ADAR: variants seen among roughly 807,000 people sequenced by gnomAD.
ADAR encodes the protein adenosine deaminase RNA specific, also known as double-stranded RNA-specific adenosine deaminase.
In ADAR, 41 loss-of-function variants were observed where a neutral mutation model predicts 113.2. The observed-to-expected ratio is 0.36, with a 90% CI of 0.28 to 0.47. The LOEUF (loss-of-function observed/expected upper bound fraction) is 0.47. Ranked by LOEUF, ADAR falls within the 20% of genes least tolerant of loss-of-function variation. The pLI is 1.00. For missense variants in ADAR, 1,242 were observed against 1,540.9 expected (o/e 0.81, Z 3.25); for synonymous variants, 605 against 572.6 (o/e 1.06, Z -0.81).
At chr1:154,608,339 T>G (rs1486943684), upstream of ADAR, 1 of 376,582 alleles carries the variant, frequency 2.7e-6, no homozygotes, top group Non-Finnish European at 4.8e-6. Flanking sequence ...CTTTTTTTTT[T>G]TTTTTTGAGG....
chr1:154,608,116 G>T lies in ADAR; in HGVS notation c.-110C>A. On this transcript the variant is annotated 5_prime_UTR_variant, in exon 1 of 15. Coordinates refer to ENST00000368474, the MANE Select transcript of ADAR (RefSeq NM_001111.5). ...CCCACGCCTCCGCTACTCCGCACTG[G>T]AAGTGGCCCCGGGGCGTCGGCACGG... 6 of 1,375,112 alleles carry T rather than the reference G, an allele frequency of 4.4e-6. No individual in the cohort carries two copies. The highest frequency in any genetic ancestry group is 5.7e-6 in the Non-Finnish European group (6 of 1,048,078). The allele number at this position is 1,375,112 out of a possible 1,614,324, so 85.2% of individuals were successfully genotyped here.
chr1:154,626,961 G>A (rs1315422628), intron 1 of ADAR, among the ~76,000 whole-genome samples: 1 of 152,184 alleles, frequency 6.6e-6, no homozygotes, highest in Non-Finnish European at 1.5e-5. Context: ...TGACGCCCCT[G>A]CCTTCTCTGC....
intron 4 of ADAR, 60 bp downstream of exon 4, chr1:154,597,768 A>T: frequency 5.0e-6 from 8 of 1,609,100 alleles, no homozygotes; most frequent in Non-Finnish European, 6.8e-6. Flanking sequence ...CAAGGAAGAA[A>T]ATGTGTCTCT....
chr1:154,618,174 TACCATATTCTTAATAGCAA>T (rs1698687130), intron 1 of ADAR, among the ~76,000 whole-genome samples: 1 of 150,928 alleles, frequency 6.6e-6, no homozygotes, highest in African/African-American at 2.4e-5. Context: ...CTATTAAGAA[TACCATATTCTTAATAGCAA>T]ATAAAACATT....
Position 154,602,333 on chromosome 1 carries a change from C to T in ADAR, c.309G>A (p.Gly103=), listed in dbSNP as rs141224623. 2.9e-5 allele frequency: 46 copies of T among 1,611,102 alleles called. No homozygotes were observed. The African/African-American group carries it at 5.9e-4, about 21-fold the overall frequency. Residue 103 remains glycine, a synonymous_variant, in exon 2 of 15, where the codon GGG becomes GGA. Coordinates refer to ENST00000368474, the MANE Select transcript of ADAR (RefSeq NM_001111.5). ...AAGGATGCTGGAACCCTCTCTGGAG[C>T]CCCTGACTTCTGAGATGCACGCCCC... ...VPRGVHLRSQ[G]LQRGFQHPSP...
Position 154,602,072 on chromosome 1 carries a change from T to C in ADAR, c.570A>G (p.Gly190=). Reference sequence around the variant, plus strand: ...CCGCGATTTTCCACAAAGGGGGTGTTCCTGCCTCTTTCTGTAGCTTGCCCT... The same window carrying C: ...CCGCGATTTTCCACAAAGGGGGTGTCCCTGCCTCTTTCTGTAGCTTGCCCT... ...AKKGKLQKEA[G]TPPLWKIAVS... The change falls in exon 2 of 15, where the codon GGA becomes GGG. Residue 190 remains glycine (G), a synonymous_variant. Transcript: ENST00000368474. 2 of 1,614,224 alleles carry C rather than the reference T, an allele frequency of 1.2e-6. No individual in the cohort carries two copies. The highest frequency in any genetic ancestry group is 1.7e-6 in the Non-Finnish European group (2 of 1,180,030).
chr1:154,603,541 C>T (rs1156518927), intron 1 of ADAR, among the ~76,000 whole-genome samples: 1 of 152,140 alleles, frequency 6.6e-6, no homozygotes, highest in Non-Finnish European at 1.5e-5. Context: ...TTCCACTGCA[C>T]GTTCTTCTGA....
Position 154,602,621 on chromosome 1 carries a change from A to C in ADAR, c.21T>G (p.Tyr7Ter). 6.2e-7 allele frequency: 1 copy of C among 1,613,966 alleles called. No homozygotes were observed. Among genetic ancestry groups the C allele is most frequent in the Non-Finnish European group, 8.5e-7 (1 of 1,180,032 alleles). The change falls in exon 2 of 15, where the codon TAT becomes TAG. Residue 7 changes from tyrosine to a stop codon, truncating the protein, a stop_gained. Coordinates refer to ENST00000368474, the MANE Select transcript of ADAR (RefSeq NM_001111.5). LOFTEE classifies it high-confidence loss of function. MNPRQGYSLSGYYTHPF... is the reference protein window; with the variant it reads MNPRQG ...GATGGGTGTAGTATCCGCTGAGGGA[A>C]TACCCCTGCAGAATAAGACAGTGGA...
chr1:154,587,331 T>G (rs776452715), intron 11 of ADAR, among the ~76,000 whole-genome samples: 6 of 152,238 alleles, frequency 3.9e-5, no homozygotes, highest in Non-Finnish European at 8.8e-5. Context: ...ACTTCACTTC[T>G]TTTTATGGCC....
chr1:154,610,582 GGGC>G (rs1698451279), upstream of ADAR, among the ~76,000 whole-genome samples: 1 of 152,048 alleles, frequency 6.6e-6, no homozygotes, highest in Admixed American at 6.6e-5. Context: ...AGGCCGAGGT[GGGC>G]GGATCACGAG....
chr1:154,593,075 C>CAGTG (rs1162667923), intron 6 of ADAR, among the ~76,000 whole-genome samples: 1 of 128,124 alleles, frequency 7.8e-6, no homozygotes, highest in Non-Finnish European at 1.6e-5. Context: ...GCGGAGGTTG[C>CAGTG]AGTGAGCTGA....
At chr1:154,593,416 CTA>C (rs1233010292) in intron 6 of ADAR, among the ~76,000 whole-genome samples, 2 of 152,202 alleles carry the variant, frequency 1.3e-5, no homozygotes, top group African/African-American at 4.8e-5. Context: ...ACTGCTATGG[CTA>C]TATGTCTGCT....
At chr1:154,610,388 A>G (rs984407801), upstream of ADAR, among the ~76,000 whole-genome samples, 1 of 152,230 alleles carries the variant, frequency 6.6e-6, no homozygotes, top group Non-Finnish European at 1.5e-5. Flanking sequence ...TGAAAGATCT[A>G]CGCATGCAAC....
At chr1:154,590,135 A>AGGCGGGGGGGGGGGGGG in intron 7 of ADAR, 49 bp downstream of exon 7, 2 of 1,205,024 alleles carry the variant, frequency 1.7e-6, no homozygotes, top group Non-Finnish European at 2.4e-6. Flanking sequence ...CTTAGGAGTT[A>AGGCGGGGGGGGGGGGGG]GGAGGACCCC....
chr1:154,598,945 C>A (rs1376649200), intron 2 of ADAR, among the ~76,000 whole-genome samples: 2 of 152,108 alleles, frequency 1.3e-5, no homozygotes, highest in Non-Finnish European at 2.9e-5. Context: ...AACCAAAAGA[C>A]CTTCATTCTA....
rs183916183 is a variant in ADAR at position 154,618,961 on chromosome 1, T to G, written c.-871+8894A>C. On this transcript the variant is annotated intron_variant, in intron 1 of 14. Transcript: ENST00000368471. Reference sequence around the variant, plus strand: ...CCCGTCTCTACTAAAAATACAAACATTAGCCGGGCGTGGTGGCAGGTACTT... The same window carrying G: ...CCCGTCTCTACTAAAAATACAAACAGTAGCCGGGCGTGGTGGCAGGTACTT... Among the ~76,000 whole-genome samples, 499 of 152,144 alleles carry G rather than the reference T, an allele frequency of 3.3e-3. 1 individual carries two copies. Among genetic ancestry groups the G allele is most frequent in the Middle Eastern group, 6.8e-3 (2 of 294 alleles).
chr1:154,592,747 G>A (rs1053307869), intron 6 of ADAR, among the ~76,000 whole-genome samples: 3 of 152,048 alleles, frequency 2.0e-5, no homozygotes, highest in Non-Finnish European at 4.4e-5. Context: ...TTCTGCTTTG[G>A]ACATGTCATA....
chr1:154,626,984 G>T (rs1162199003), intron 1 of ADAR, among the ~76,000 whole-genome samples: 1 of 152,110 alleles, frequency 6.6e-6, no homozygotes, highest in Non-Finnish European at 1.5e-5. Flanking sequence ...CCAATGACCC[G>T]CTCTAGCAAT....
At chr1:154,614,436 C>A (rs1698578904) in intron 1 of ADAR, among the ~76,000 whole-genome samples, 1 of 152,238 alleles carries the variant, frequency 6.6e-6, no homozygotes, top group East Asian at 1.9e-4. Context: ...CTGTAGGGGG[C>A]TGCTCTCAGC....
Sources: allele counts gnomAD v4.1 joint callset (sites outside exome capture counted in the v4.1 genomes callset), GRCh38; gene constraint gnomAD v4.1.1; transcripts MANE v1.5; gene names NCBI Gene and HGNC (gene_info 2026-07-23, HGNC 2026-07-21).